The following DRC9 variants were observed in gnomAD, a reference collection of about 807,000 sequenced individuals.
DRC9 encodes the protein dynein regulatory complex subunit 9.
the DRC9 span, among the ~76,000 whole-genome samples, chr3:197,946,210 C>T: frequency 1.3e-3 from 198 of 151,916 alleles, 1 homozygote; most frequent in African/African-American, 4.6e-3. Flanking sequence ...CCGAGGCAGG[C>T]GGATCACAAG....
chr3:197,899,935 G>A, the DRC9 span, among the ~76,000 whole-genome samples: 13 of 151,518 alleles, frequency 8.6e-5, no homozygotes, highest in Non-Finnish European at 1.0e-4. Flanking sequence ...GCAGCCACAC[G>A]GCACGGGTAG....
the DRC9 span, among the ~76,000 whole-genome samples, chr3:197,915,101 T>C: frequency 7.2e-6 from 1 of 138,346 alleles, no homozygotes; most frequent in Non-Finnish European, 1.5e-5. Flanking sequence ...GAGGTGGAGG[T>C]TGAAGTGAGC....
chr3:197,910,446 C>G, the DRC9 span, among the ~76,000 whole-genome samples: 1 of 152,206 alleles, frequency 6.6e-6, no homozygotes, highest in African/African-American at 2.4e-5. Flanking sequence ...GTATCTCACA[C>G]TTGAAACAGG....
At chr3:197,941,340 CCTCT>C in the DRC9 span, among the ~76,000 whole-genome samples, 4 of 83,796 alleles carry the variant, frequency 4.8e-5, no homozygotes, top group Non-Finnish European at 8.3e-5. Context: ...CTCTCTCTCC[CCTCT>C]GTCTCTTTCT....
the DRC9 span, among the ~76,000 whole-genome samples, chr3:197,953,115 CAA>C: frequency 2.6e-5 from 4 of 152,238 alleles, no homozygotes; most frequent in African/African-American, 9.6e-5. Context: ...GCCTGGACAA[CAA>C]GAGCAAATCC....
chr3:197,906,498 A>C, the DRC9 span: 13 of 152,194 alleles, frequency 8.5e-5, no homozygotes, highest in Admixed American at 7.9e-4. Context: ...AAAACAACAA[A>C]AAAAACTTTT....
the DRC9 span, chr3:197,949,827 A>T: frequency 2.6e-6 from 1 of 381,788 alleles, no homozygotes; most frequent in Non-Finnish European, 4.6e-6. Context: ...ACTGTTGGCA[A>T]ATCAATCTTA....
chr3:197,911,545 T>C, the DRC9 span, among the ~76,000 whole-genome samples: 1 of 152,166 alleles, frequency 6.6e-6, no homozygotes, highest in African/African-American at 2.4e-5. Flanking sequence ...AATTATTTTA[T>C]AAAGAAACTG....
the DRC9 span, among the ~76,000 whole-genome samples, chr3:197,926,727 G>C: frequency 2.0e-5 from 3 of 152,026 alleles, no homozygotes; most frequent in African/African-American, 7.2e-5. Context: ...GGCCTTTCCT[G>C]GGGAGTCAGG....
At chr3:197,913,723 C>T in the DRC9 span, 3 of 800,588 alleles carry the variant, frequency 3.7e-6, no homozygotes, top group Middle Eastern at 3.3e-4. Context: ...ACACGCATAT[C>T]CTCATTTAGG....
chr3:197,952,171 T>TG, the DRC9 span, among the ~76,000 whole-genome samples: 3 of 130,638 alleles, frequency 2.3e-5, no homozygotes, highest in Non-Finnish European at 4.8e-5. Flanking sequence ...GGTTTTTTTT[T>TG]TTTTTTTTTT....
chr3:197,944,373 C>T, the DRC9 span, among the ~76,000 whole-genome samples: 1 of 152,034 alleles, frequency 6.6e-6, no homozygotes, highest in Admixed American at 6.6e-5. Context: ...ATTCTCCTGC[C>T]TCACCCTCCC....
chr3:197,892,503 G>C, the DRC9 span: 1 of 1,197,772 alleles, frequency 8.3e-7, no homozygotes, highest in Admixed American at 2.2e-5. Flanking sequence ...CTCCTTCCTC[G>C]GTGAGCACCC....
the DRC9 span, among the ~76,000 whole-genome samples, chr3:197,893,283 G>C: frequency 2.7e-5 from 4 of 150,694 alleles, no homozygotes; most frequent in South Asian, 8.4e-4. Context: ...CTTGAACCCA[G>C]GAGGCGGAGG....
the DRC9 span, chr3:197,950,142 G>C: frequency 1.6e-6 from 2 of 1,231,792 alleles, no homozygotes; most frequent in Non-Finnish European, 2.0e-6. Context: ...ATTGAGGGCG[G>C]AGTCGAAAGA....
At chr3:197,911,360 G>A in the DRC9 span, among the ~76,000 whole-genome samples, 1 of 152,156 alleles carries the variant, frequency 6.6e-6, no homozygotes, top group South Asian at 2.1e-4. Context: ...AAAATCTCAT[G>A]ACTGAGATTG....
chr3:197,927,446 G>A, the DRC9 span, among the ~76,000 whole-genome samples: 105 of 152,222 alleles, frequency 6.9e-4, 1 homozygote, highest in Non-Finnish European at 1.2e-3. Context: ...GGCTGGTCTC[G>A]AATTCCTGAC....
the DRC9 span, among the ~76,000 whole-genome samples, chr3:197,922,701 A>T: frequency 2.0e-5 from 3 of 146,934 alleles, no homozygotes; most frequent in Non-Finnish European, 4.4e-5. Flanking sequence ...GCTAGACTCC[A>T]TCTCAAAAAT....
the DRC9 span, chr3:197,938,894 CA>C: frequency 1.3e-6 from 1 of 774,124 alleles, no homozygotes; most frequent in African/African-American, 1.8e-5. Flanking sequence ...CTCTATACTC[CA>C]AGAAAATGTG....
Sources: allele counts gnomAD v4.1 joint callset (sites outside exome capture counted in the v4.1 genomes callset), GRCh38; gene constraint gnomAD v4.1.1; transcripts MANE v1.5; gene names NCBI Gene and HGNC (gene_info 2026-07-23, HGNC 2026-07-21).